Variants in PDE4D observed in about 807,000 individuals in gnomAD.
PDE4D encodes 3',5'-cyclic-AMP phosphodiesterase 4D.
Under a neutral mutation model 87.4 loss-of-function variants are expected in PDE4D, and 24 were observed. That is an observed-to-expected ratio of 0.27 (90% CI 0.20 to 0.39). The LOEUF is 0.39. Ranked by LOEUF, PDE4D falls within the 10% of genes least tolerant of loss-of-function variation. The pLI, the probability that PDE4D is intolerant of heterozygous loss-of-function variation, is 1.00. For synonymous variants in PDE4D, 384 were observed against 383.2 expected, an observed-to-expected ratio of 1.00 and a Z score of -0.02; for missense variants, 714 against 1,041.0, an observed-to-expected ratio of 0.69 and a Z score of 4.32.
At chr5:60,154,624 T>G (rs1198191452) in intron 2 of PDE4D, among the ~76,000 whole-genome samples, 3 of 152,166 alleles carry the variant, frequency 2.0e-5, no homozygotes, top group South Asian at 4.1e-4. Context: ...TGCACGTAAG[T>G]GTAAACATCA....
At chr5:59,826,815 C>T (rs986205338) in intron 1 of PDE4D, among the ~76,000 whole-genome samples, 1 of 152,086 alleles carries the variant, frequency 6.6e-6, no homozygotes, top group African/African-American at 2.4e-5. Flanking sequence ...ATGCTACTAT[C>T]AAATTGGTGC....
chr5:59,116,779 G>T (rs1427397639), intron 5 of PDE4D, among the ~76,000 whole-genome samples: 1 of 152,172 alleles, frequency 6.6e-6, no homozygotes, highest in East Asian at 1.9e-4. Context: ...GGTGGGGGTG[G>T]TGACAAAGTG....
intron 2 of PDE4D, among the ~76,000 whole-genome samples, chr5:59,199,864 A>T (rs761799621): frequency 6.6e-6 from 1 of 152,002 alleles, no homozygotes; most frequent in Non-Finnish European, 1.5e-5. Flanking sequence ...ATACATGTAC[A>T]TATATACATA....
chr5:59,034,376 TG>T (rs1237891882), intron 6 of PDE4D, among the ~76,000 whole-genome samples: 1 of 152,240 alleles, frequency 6.6e-6, no homozygotes, highest in Admixed American at 6.5e-5. Context: ...AAAACTAACA[TG>T]CCTTTTCCAA....
intron 3 of PDE4D, among the ~76,000 whole-genome samples, chr5:59,966,296 G>T (rs1261849964): frequency 6.6e-6 from 1 of 152,156 alleles, no homozygotes; most frequent in Non-Finnish European, 1.5e-5. Context: ...GTATATTAGA[G>T]CTTTTCTTCG....
chr5:59,780,251 A>G (rs1224948022), intron 1 of PDE4D, among the ~76,000 whole-genome samples: 1 of 152,200 alleles, frequency 6.6e-6, no homozygotes, highest in Admixed American at 6.5e-5. Flanking sequence ...CTGTAATCCT[A>G]GCTACTCAGG....
chr5:60,249,943 A>G (rs1748239438), intron 1 of PDE4D, among the ~76,000 whole-genome samples: 1 of 152,024 alleles, frequency 6.6e-6, no homozygotes, highest in African/African-American at 2.4e-5. Flanking sequence ...AATGTGGGAG[A>G]CATTTAAAAT....
chr5:59,635,841 C>G (rs924729657), intron 1 of PDE4D, among the ~76,000 whole-genome samples: 1 of 152,224 alleles, frequency 6.6e-6, no homozygotes, highest in African/African-American at 2.4e-5. Context: ...AGGATGCCCT[C>G]TTTCACCACT....
intron 1 of PDE4D, among the ~76,000 whole-genome samples, chr5:59,315,961 G>C (rs532177028): frequency 6.6e-6 from 1 of 152,084 alleles, no homozygotes; most frequent in African/African-American, 2.4e-5. Context: ...ATAATCAGGC[G>C]GGACACTCAA....
intron 1 of PDE4D, among the ~76,000 whole-genome samples, chr5:59,821,424 G>A (rs1172973515): frequency 6.6e-6 from 1 of 151,986 alleles, no homozygotes; most frequent in Non-Finnish European, 1.5e-5. Context: ...TTTTAAGGTG[G>A]AGACATCCAT....
chr5:59,793,955 C>T (rs1306403322), intron 1 of PDE4D, among the ~76,000 whole-genome samples: 4 of 152,170 alleles, frequency 2.6e-5, no homozygotes, highest in Admixed American at 2.6e-4. Flanking sequence ...ATATACAGCT[C>T]CTGTGGCGTG....
chr5:59,584,646 A>C (rs1824794297), intron 1 of PDE4D, among the ~76,000 whole-genome samples: 1 of 152,234 alleles, frequency 6.6e-6, no homozygotes, highest in Non-Finnish European at 1.5e-5. Context: ...TAATGCAATA[A>C]AAATAAAAAG....
chr5:59,138,003 G>A (rs528972191), intron 5 of PDE4D, among the ~76,000 whole-genome samples: 1 of 152,184 alleles, frequency 6.6e-6, no homozygotes, highest in Non-Finnish European at 1.5e-5. Context: ...TGTTGTGAAA[G>A]GCACAATAGC....
intron 5 of PDE4D, among the ~76,000 whole-genome samples, chr5:59,163,042 C>T (rs1009165356): frequency 1.3e-5 from 2 of 150,704 alleles, no homozygotes; most frequent in Non-Finnish European, 1.5e-5. Flanking sequence ...AAGCCATTTT[C>T]GTGCCTCAGC....
intron 3 of PDE4D, among the ~76,000 whole-genome samples, chr5:59,975,034 T>C (rs1761161161): frequency 6.6e-6 from 1 of 152,164 alleles, no homozygotes; most frequent in African/African-American, 2.4e-5. Flanking sequence ...CAAGATGAAA[T>C]GGGTGCTCTC....
intron 1 of PDE4D, among the ~76,000 whole-genome samples, chr5:60,305,521 A>G (rs1227168038): frequency 1.3e-5 from 2 of 152,080 alleles, no homozygotes; most frequent in African/African-American, 4.8e-5. Flanking sequence ...GAAATAAAAC[A>G]GAAACAATAA....
chr5:60,456,397 C>T (rs1023569992), intron 1 of PDE4D, among the ~76,000 whole-genome samples: 14 of 152,236 alleles, frequency 9.2e-5, no homozygotes, highest in African/African-American at 3.4e-4. Context: ...CTGCCTTAAC[C>T]TGGGTTAGCC....
At chr5:59,042,411 G>T (rs938217704) in intron 5 of PDE4D, among the ~76,000 whole-genome samples, 2 of 151,998 alleles carry the variant, frequency 1.3e-5, no homozygotes, top group Non-Finnish European at 1.5e-5. Flanking sequence ...CCTAAATGTC[G>T]ACAGCTAGCA....
At position 59,053,664 on chromosome 5, in the gene PDE4D, T is replaced by G. The variant is rs866347206; in HGVS notation, c.809-14693A>C. Among the ~76,000 whole-genome samples, 44 of 126,612 alleles carry G rather than the reference T, an allele frequency of 3.5e-4. 3 individuals carry two copies. Among genetic ancestry groups the G allele is most frequent in the East Asian group, 1.5e-3 (7 of 4,564 alleles). The allele number at this position is 126,612 out of a possible 152,430, so 83.1% of individuals were successfully genotyped here. ...TTTTTTGTTTTTTTTTGTTGTTGTTTTTTTTTTTTGGCCAGGCACGGTCGC... is the reference window on the plus strand; with the variant it reads ...TTTTTTGTTTTTTTTTGTTGTTGTTGTTTTTTTTTGGCCAGGCACGGTCGC... On this transcript the variant is annotated intron_variant, in intron 5 of 14. Coordinates refer to ENST00000340635, the MANE Select transcript of PDE4D (RefSeq NM_001104631.2).
Sources: allele counts gnomAD v4.1 joint callset (sites outside exome capture counted in the v4.1 genomes callset), GRCh38; gene constraint gnomAD v4.1.1; transcripts MANE v1.5; gene names NCBI Gene and HGNC (gene_info 2026-07-23, HGNC 2026-07-21).